ZBTB16: variants seen among roughly 807,000 people sequenced by gnomAD.
The protein encoded by ZBTB16 is zinc finger and BTB domain-containing protein 16.
A neutral mutation model predicts 56.8 loss-of-function variants in ZBTB16; 8 were observed. That is an observed-to-expected ratio of 0.14 (90% CI 0.08 to 0.25). ZBTB16 has a LOEUF of 0.25. Among genes scored for constraint, ZBTB16 ranks in the 10% least tolerant of loss-of-function variants. The pLI, the probability that ZBTB16 is intolerant of heterozygous loss-of-function variation, is 1.00. For missense variants in ZBTB16, 625 were observed against 903.0 expected (o/e 0.69, Z 3.95); for synonymous variants, 363 against 368.5 (o/e 0.98, Z 0.17).
rs115190448 is a variant in ZBTB16, at chr11:114,207,372, G to T, written c.1453+20334G>T. Reference sequence around the variant, plus strand: ...CAGGAGATTCCTATGGATAACCAGGGTTTTGAATTTCCAGATGGGATAAGA... The same window carrying T: ...CAGGAGATTCCTATGGATAACCAGGTTTTTGAATTTCCAGATGGGATAAGA... On this transcript the variant is annotated intron_variant, in intron 4 of 6. Coordinates refer to ENST00000335953, the MANE Select transcript of ZBTB16 (RefSeq NM_006006.6). Among the ~76,000 whole-genome samples the T allele has an allele frequency of 4.3e-3, 659 of 152,196 alleles. 6 individuals carry two copies. The highest frequency in any genetic ancestry group is 0.015 in the African/African-American group (629 of 41,520).
chr11:114,117,439 T>C (rs568305363), intron 2 of ZBTB16, among the ~76,000 whole-genome samples: 15 of 151,230 alleles, frequency 9.9e-5, no homozygotes, highest in Non-Finnish European at 1.3e-4. Context: ...CGTCAAGTGG[T>C]CTAGGTGAGA....
chr11:114,153,896 A>G (rs1487453278), intron 2 of ZBTB16, among the ~76,000 whole-genome samples: 1 of 152,214 alleles, frequency 6.6e-6, no homozygotes, highest in Non-Finnish European at 1.5e-5. Flanking sequence ...TCCAAGGTTA[A>G]TGGCCGAGTC....
chr11:114,216,408 A>G (rs1944097762), intron 4 of ZBTB16, among the ~76,000 whole-genome samples: 1 of 152,156 alleles, frequency 6.6e-6, no homozygotes. Flanking sequence ...AGGCTGATAA[A>G]TTGCTGTTCC....
intron 2 of ZBTB16, among the ~76,000 whole-genome samples, chr11:114,083,611 C>A (rs1404038462): frequency 6.6e-6 from 1 of 152,172 alleles, no homozygotes; most frequent in African/African-American, 2.4e-5. Context: ...AATCCACTAC[C>A]CTGACATCTG....
chr11:114,188,355 A>C (rs1039964917), intron 4 of ZBTB16: 1 of 152,244 alleles, frequency 6.6e-6, no homozygotes, highest in East Asian at 1.9e-4. Flanking sequence ...GTAGAGTCTT[A>C]TAGTTCAGAG....
At chr11:114,247,961 G>A (rs1944848497) in intron 6 of ZBTB16, among the ~76,000 whole-genome samples, 2 of 151,754 alleles carry the variant, frequency 1.3e-5, no homozygotes, top group South Asian at 2.1e-4. Flanking sequence ...GCAGTGGCAC[G>A]ATCTCAGTTC....
chr11:114,148,430 T>TGTCTGTCC (rs1565651829), intron 2 of ZBTB16, among the ~76,000 whole-genome samples: 2 of 70,936 alleles, frequency 2.8e-5, no homozygotes, highest in Non-Finnish European at 5.5e-5. Flanking sequence ...CCTCCCTCTC[T>TGTCTGTCC]CTCTCTTTCT....
intron 2 of ZBTB16, among the ~76,000 whole-genome samples, chr11:114,119,942 C>T (rs969665446): frequency 1.3e-5 from 2 of 152,164 alleles, no homozygotes; most frequent in South Asian, 2.1e-4. Flanking sequence ...AAGCTCTCAC[C>T]GCTGGGAGTT....
intron 2 of ZBTB16, among the ~76,000 whole-genome samples, chr11:114,111,520 G>T (rs973827291): frequency 6.6e-6 from 1 of 152,150 alleles, no homozygotes; most frequent in Non-Finnish European, 1.5e-5. Flanking sequence ...CTCATGAAAT[G>T]ACGCTAAATA....
At chr11:114,186,300 C>G (rs1943359831) in intron 3 of ZBTB16, among the ~76,000 whole-genome samples, 1 of 152,108 alleles carries the variant, frequency 6.6e-6, no homozygotes, top group Non-Finnish European at 1.5e-5. Flanking sequence ...TCCAGGCAGC[C>G]CGCGTGGTTC....
chr11:114,220,097 G>A (rs190370269), intron 4 of ZBTB16, among the ~76,000 whole-genome samples: 1 of 152,234 alleles, frequency 6.6e-6, no homozygotes, highest in South Asian at 2.1e-4. Context: ...ATGAAGGAAA[G>A]TGTGAAGATT....
intron 2 of ZBTB16, among the ~76,000 whole-genome samples, chr11:114,124,574 A>C (rs1489175561): frequency 6.7e-6 from 1 of 149,370 alleles, no homozygotes; most frequent in Admixed American, 6.8e-5. Context: ...AAAAAAAAAC[A>C]AAAACAAAAC....
chr11:114,128,713 G>A (rs1288938097), intron 2 of ZBTB16, among the ~76,000 whole-genome samples: 1 of 152,172 alleles, frequency 6.6e-6, no homozygotes, highest in Non-Finnish European at 1.5e-5. Context: ...GAGACAAGTG[G>A]TGTCTGGCTG....
At chr11:114,247,743 CT>C (rs1395340528) in intron 6 of ZBTB16, among the ~76,000 whole-genome samples, 1 of 152,070 alleles carries the variant, frequency 6.6e-6, no homozygotes, top group Non-Finnish European at 1.5e-5. Context: ...TTTCATGTTA[CT>C]CAAGGGTTAG....
At chr11:114,108,476 C>T (rs1256917851) in intron 2 of ZBTB16, among the ~76,000 whole-genome samples, 1 of 152,228 alleles carries the variant, frequency 6.6e-6, no homozygotes, top group Admixed American at 6.5e-5. Flanking sequence ...TTAGTAATTG[C>T]TCTCTGTCTT....
chr11:114,134,725 C>A (rs1484093448), intron 2 of ZBTB16, among the ~76,000 whole-genome samples: 1 of 152,142 alleles, frequency 6.6e-6, no homozygotes, highest in East Asian at 1.9e-4. Flanking sequence ...ATTATTGGTC[C>A]TTATTCATAT....
intron 4 of ZBTB16, among the ~76,000 whole-genome samples, chr11:114,207,328 G>A (rs1002078118): frequency 1.3e-5 from 2 of 152,110 alleles, no homozygotes; most frequent in South Asian, 2.1e-4. Flanking sequence ...CTCAGACATG[G>A]ATGTATTTTC....
chr11:114,193,422 A>G (rs753050278), intron 4 of ZBTB16, among the ~76,000 whole-genome samples: 11 of 152,150 alleles, frequency 7.2e-5, no homozygotes, highest in Admixed American at 2.0e-4. Flanking sequence ...TGTCGTGCTC[A>G]GTGCCGAGGG....
chr11:114,097,387 A>G (rs1940456165), intron 2 of ZBTB16, among the ~76,000 whole-genome samples: 1 of 152,172 alleles, frequency 6.6e-6, no homozygotes, highest in African/African-American at 2.4e-5. Context: ...GATGGTAGTA[A>G]TGGTTACACA....
Sources: allele counts gnomAD v4.1 joint callset (sites outside exome capture counted in the v4.1 genomes callset), GRCh38; gene constraint gnomAD v4.1.1; transcripts MANE v1.5; gene names NCBI Gene and HGNC (gene_info 2026-07-23, HGNC 2026-07-21).